PPARD: variants seen among roughly 807,000 people sequenced by gnomAD.
PPARD encodes the protein peroxisome proliferator-activated receptor delta.
A neutral mutation model predicts 39.5 loss-of-function variants in PPARD; 6 were observed. That is an observed-to-expected ratio of 0.15 (90% CI 0.08 to 0.30). PPARD has a LOEUF of 0.30. Among genes scored for constraint, PPARD ranks in the 10% least tolerant of loss-of-function variants. The probability of loss-of-function intolerance (pLI) is 1.00; values close to 1 mark genes in which losing one functional copy is unlikely to be tolerated. For missense variants in PPARD, 397 were observed against 596.8 expected, an observed-to-expected ratio of 0.67 and a Z score of 3.49; for synonymous variants, 210 against 231.3, an observed-to-expected ratio of 0.91 and a Z score of 0.83.
intron 2 of PPARD, among the ~76,000 whole-genome samples, chr6:35,407,450 G>A (rs1239371200): frequency 1.3e-5 from 2 of 151,952 alleles, no homozygotes; most frequent in Non-Finnish European, 2.9e-5. Context: ...GAGGCCTCCC[G>A]TGGCCCCTTC....
chr6:35,387,194 GTTGCTGT>G (rs371092277), intron 2 of PPARD, among the ~76,000 whole-genome samples: 3,196 of 152,130 alleles, frequency 0.021, 68 homozygotes, highest in African/African-American at 0.052. Context: ...GCCCCCAGGG[GTTGCTGT>G]CGGTGAGCTC....
intron 2 of PPARD, among the ~76,000 whole-genome samples, chr6:35,355,811 C>T (rs142613449): frequency 0.053 from 8,098 of 151,424 alleles, 717 homozygotes; most frequent in African/African-American, 0.18. Flanking sequence ...CAGGGTTTCA[C>T]GGTGTTAGCC....
chr6:35,409,339 T>A (rs966953647), intron 2 of PPARD, among the ~76,000 whole-genome samples: 13 of 150,286 alleles, frequency 8.7e-5, no homozygotes, highest in Non-Finnish European at 1.8e-4. Context: ...ACCTTATCCC[T>A]AAAAAAAAAT....
At chr6:35,358,542 G>A (rs1183797860) in intron 2 of PPARD, among the ~76,000 whole-genome samples, 1 of 152,182 alleles carries the variant, frequency 6.6e-6, no homozygotes, top group African/African-American at 2.4e-5. Context: ...CTTATTTTAA[G>A]GCGTCCCTCT....
chr6:35,392,720 G>C (rs1241115259), intron 2 of PPARD, among the ~76,000 whole-genome samples: 1 of 152,150 alleles, frequency 6.6e-6, no homozygotes, highest in Admixed American at 6.5e-5. Flanking sequence ...CGAGAAAGGA[G>C]AGCTGTGACA....
Position 35,424,326 on chromosome 6 carries a change from C to T in PPARD, c.628-3C>T, listed in dbSNP as rs1261035460. The T allele has an allele frequency of 6.2e-7, 1 of 1,609,936 alleles. No homozygotes were observed. Among genetic ancestry groups the T allele is most frequent in the South Asian group, 1.1e-5 (1 of 91,002 alleles). ...CTGATCTCTAACGGGGCCTGGTTTT[C>T]AGCCCTTTGTGATCCACGACATCGA... On this transcript the variant is annotated splice_region_variant and splice_polypyrimidine_tract_variant and intron_variant, in intron 6 of 7. Coordinates refer to ENST00000360694, the MANE Select transcript of PPARD (RefSeq NM_006238.5). The surrounding 1 kb of genome is among the most constrained non-coding windows in gnomAD (Gnocchi z 7.1).
chr6:35,350,081 T>C (rs1452233437), intron 2 of PPARD, among the ~76,000 whole-genome samples: 1 of 152,236 alleles, frequency 6.6e-6, no homozygotes, highest in African/African-American at 2.4e-5. Context: ...TAAAATCTTT[T>C]GCCCATCCTT....
intron 2 of PPARD, among the ~76,000 whole-genome samples, chr6:35,406,993 C>T (rs952460287): frequency 6.6e-6 from 1 of 152,122 alleles, no homozygotes; most frequent in Non-Finnish European, 1.5e-5. Flanking sequence ...CAAGGGGGGC[C>T]TATAAGGCCT....
intron 2 of PPARD, among the ~76,000 whole-genome samples, chr6:35,384,242 C>T (rs1419826323): frequency 7.3e-6 from 1 of 137,420 alleles, no homozygotes; most frequent in Non-Finnish European, 1.6e-5. Context: ...CCCGGCCAGC[C>T]GCCCCGTCAG....
At chr6:35,353,456 A>G (rs1383919823) in intron 2 of PPARD, among the ~76,000 whole-genome samples, 1 of 152,216 alleles carries the variant, frequency 6.6e-6, no homozygotes, top group Admixed American at 6.5e-5. Flanking sequence ...AGGGCTGTTG[A>G]TGCACAGGAG....
chr6:35,367,453 A>C (rs1162605668), intron 2 of PPARD, among the ~76,000 whole-genome samples: 1 of 152,148 alleles, frequency 6.6e-6, no homozygotes, highest in Non-Finnish European at 1.5e-5. Context: ...GTTGAAACTC[A>C]CACAACCCTA....
rs1562164806 is a variant in PPARD, at chr6:35,348,636, C to T, written c.-102+1486C>T. 4 of 985,358 alleles carry T rather than the reference C, an allele frequency of 4.1e-6. No homozygotes were observed. In the South Asian group the frequency reaches 1.4e-4, roughly 35 times the overall value. The allele number at this position is 985,358 out of a possible 1,614,324, so 61.0% of individuals were successfully genotyped here. On this transcript the variant is annotated intron_variant, in intron 2 of 7. Coordinates refer to ENST00000360694, the MANE Select transcript of PPARD (RefSeq NM_006238.5). ...CACTTCCCCTTCTCTGCCTTTAACA[C>T]CCTGCAGGTTTTCCTGTTGTCAGAC...
chr6:35,353,575 A>G (rs1267113148), intron 2 of PPARD, among the ~76,000 whole-genome samples: 3 of 152,198 alleles, frequency 2.0e-5, no homozygotes, highest in Non-Finnish European at 4.4e-5. Flanking sequence ...AGAAAGGTGA[A>G]ACTTCATTTA....
chr6:35,395,660 A>T (rs1399377774), intron 2 of PPARD, among the ~76,000 whole-genome samples: 1 of 152,198 alleles, frequency 6.6e-6, no homozygotes, highest in Non-Finnish European at 1.5e-5. Context: ...GCAGGACAGG[A>T]CCAGGAATGG....
intron 2 of PPARD, among the ~76,000 whole-genome samples, chr6:35,385,093 T>A (rs1763529961): frequency 7.0e-6 from 1 of 143,748 alleles, no homozygotes; most frequent in Non-Finnish European, 1.5e-5. Context: ...TACTGGGAAG[T>A]GAGGAGCCCC....
chr6:35,381,815 G>A (rs938469769), intron 2 of PPARD, among the ~76,000 whole-genome samples: 1 of 152,110 alleles, frequency 6.6e-6, no homozygotes, highest in Non-Finnish European at 1.5e-5. Context: ...AAGGTCTGCC[G>A]CCATTCATTC....
In PPARD at chr6:35,424,317, C is replaced by G. The variant is rs531223897; in HGVS notation, c.628-12C>G. Reference sequence around the variant, plus strand: ...TCCCGAGGCCTGATCTCTAACGGGGCCTGGTTTTCAGCCCTTTGTGATCCA... The same window carrying G: ...TCCCGAGGCCTGATCTCTAACGGGGGCTGGTTTTCAGCCCTTTGTGATCCA... On this transcript the variant is annotated splice_polypyrimidine_tract_variant and intron_variant, in intron 6 of 7. Coordinates refer to ENST00000360694, the MANE Select transcript of PPARD (RefSeq NM_006238.5). This position sits in a 1 kb window ranked among gnomAD's most constrained non-coding sequence, Gnocchi z 7.1. The G allele has an allele frequency of 8.1e-6, 13 of 1,608,588 alleles. No homozygotes were observed. In the Admixed American group the frequency reaches 2.0e-4, roughly 25 times the overall value.
chr6:35,398,578 C>G (rs963415990), intron 2 of PPARD, among the ~76,000 whole-genome samples: 3 of 152,108 alleles, frequency 2.0e-5, no homozygotes, highest in African/African-American at 7.2e-5. Context: ...GGCATAAGAT[C>G]AGAAAGAGAT....
intron 3 of PPARD, among the ~76,000 whole-genome samples, chr6:35,411,638 A>G (rs891043764): frequency 2.6e-5 from 4 of 152,218 alleles, no homozygotes; most frequent in South Asian, 2.1e-4. Context: ...ACACAGTTCA[A>G]TTGGTCTGGT....
Sources: allele counts gnomAD v4.1 joint callset (sites outside exome capture counted in the v4.1 genomes callset), GRCh38; gene constraint gnomAD v4.1.1; non-coding constraint Gnocchi (gnomAD v3.1); transcripts MANE v1.5; gene names NCBI Gene and HGNC (gene_info 2026-07-23, HGNC 2026-07-21).